Variants in CSMD1 observed in about 807,000 individuals in gnomAD.
CSMD1 encodes CUB and Sushi multiple domains 1.
In CSMD1, 213 loss-of-function variants were observed where a neutral mutation model predicts 417.5. The ratio of observed to expected loss-of-function variants is 0.51; its 90% CI spans 0.46 to 0.57. The LOEUF (loss-of-function observed/expected upper bound fraction) is 0.57, where lower values mean the gene tolerates loss of function less well. Among genes scored for constraint, CSMD1 ranks in the 20% least tolerant of loss-of-function variants. CSMD1 has a pLI of 0.00. For synonymous variants in CSMD1, 2,862 were observed against 1,736.8 expected (o/e 1.65, Z -16.11); for missense variants, 6,923 against 4,529.7 (o/e 1.53, Z -15.17).
At chr8:4,167,078 A>AT (rs968581024) in intron 3 of CSMD1, among the ~76,000 whole-genome samples, 8 of 152,142 alleles carry the variant, frequency 5.3e-5, no homozygotes, top group African/African-American at 1.9e-4. Flanking sequence ...AAAACTTAGA[A>AT]TATCTGTAGA....
chr8:4,459,333 C>G (rs1448027893), intron 2 of CSMD1, among the ~76,000 whole-genome samples: 2 of 152,136 alleles, frequency 1.3e-5, no homozygotes, highest in African/African-American at 2.4e-5. Flanking sequence ...AGGAGCAAAC[C>G]AAGACAATCA....
chr8:3,391,975 A>G (rs1811375099), intron 17 of CSMD1, among the ~76,000 whole-genome samples: 2 of 152,094 alleles, frequency 1.3e-5, no homozygotes, highest in Non-Finnish European at 1.5e-5. Flanking sequence ...ATGAAGCTGG[A>G]AACCATCATT....
chr8:4,745,190 A>G (rs1298369150), intron 1 of CSMD1, among the ~76,000 whole-genome samples: 1 of 152,180 alleles, frequency 6.6e-6, no homozygotes, highest in Non-Finnish European at 1.5e-5. Flanking sequence ...ATGAAACCTT[A>G]ATTTTGTATA....
chr8:4,758,315 G>A (rs962245787), intron 1 of CSMD1, among the ~76,000 whole-genome samples: 16 of 152,072 alleles, frequency 1.1e-4, no homozygotes, highest in Admixed American at 2.6e-4. Flanking sequence ...TGCTTAATTC[G>A]CTGGTTCTGA....
In CSMD1 at chr8:3,052,586, A is replaced by T. The variant is rs752253783; in HGVS notation, c.7536T>A (p.Thr2512=). Reference sequence around the variant, plus strand: ...ATTCATAGACCACTTTACTGTCCAAAGTGAACTCGTTCCCGGTAAATGAAC... The same window carrying T: ...ATTCATAGACCACTTTACTGTCCAATGTGAACTCGTTCCCGGTAAATGAAC... ...GNGSFTGNEF[T]LDSKVVYECH... is the part of the protein sequence containing the mutation. Residue 2512 remains threonine (T), a synonymous_variant, in exon 50 of 70, where the codon ACT becomes ACA. Transcript: ENST00000635120. 1.2e-6 allele frequency: 2 copies of T among 1,612,038 alleles called. No homozygotes were observed. Among genetic ancestry groups the T allele is most frequent in the East Asian group, 4.5e-5 (2 of 44,830 alleles).
intron 1 of CSMD1, among the ~76,000 whole-genome samples, chr8:4,719,806 C>G (rs989370012): frequency 6.6e-6 from 1 of 152,098 alleles, no homozygotes; most frequent in Non-Finnish European, 1.5e-5. Flanking sequence ...TGAACTATTG[C>G]TGCCTTTTAC....
rs1479161494 is a variant in CSMD1 at position 4,362,488 on chromosome 8, A to G, written c.415+57465T>C. On this transcript the variant is annotated intron_variant, in intron 3 of 69. Transcript: ENST00000635120. ...ATAAGATTACGGCTTTCTTCAGAGA[A>G]CTCTTCCTCATTTGTCTGCTTAATT... Among the ~76,000 whole-genome samples the G allele has an allele frequency of 2.0e-5, 3 of 152,188 alleles. No homozygotes were observed. The South Asian group carries it at 6.2e-4, about 32-fold the overall frequency.
intron 42 of CSMD1, 121 bp downstream of exon 42, chr8:3,118,278 A>T: frequency 1.4e-6 from 1 of 732,828 alleles, no homozygotes; most frequent in Non-Finnish European, 2.2e-6. Flanking sequence ...AAAACATAAT[A>T]GATTCTCAAC....
At chr8:3,897,958 C>A (rs1807476139) in intron 5 of CSMD1, among the ~76,000 whole-genome samples, 1 of 152,140 alleles carries the variant, frequency 6.6e-6, no homozygotes, top group African/African-American at 2.4e-5. Context: ...CAAATGAAGA[C>A]ACAAAATCAA....
At position 4,044,852 on chromosome 8, in the gene CSMD1, G is replaced by A. The variant is rs552041206; in HGVS notation, c.416-12753C>T. On this transcript the variant is annotated intron_variant, in intron 3 of 69. Coordinates refer to ENST00000635120, the MANE Select transcript of CSMD1 (RefSeq NM_033225.6). ...TAGCACCCCAGGCTTGTACCATGCT[G>A]GGGACTGCACCATCCTGAACTTTGC... Among the ~76,000 whole-genome samples, 4 of 126,744 alleles carry A rather than the reference G, an allele frequency of 3.2e-5. No individual in the cohort carries two copies. In the East Asian group the frequency reaches 9.4e-4, roughly 30 times the overall value. 83.1% of individuals were successfully genotyped at this position (126,744 alleles called of 152,430 possible).
At chr8:3,487,392 A>T in intron 11 of CSMD1, among the ~76,000 whole-genome samples, 1 of 152,040 alleles carries the variant, frequency 6.6e-6, no homozygotes, top group East Asian at 1.9e-4. Flanking sequence ...TAGTAGAGAC[A>T]GGGTTTCACC....
intron 7 of CSMD1, among the ~76,000 whole-genome samples, chr8:3,698,437 G>C (rs1800674682): frequency 1.3e-5 from 2 of 152,132 alleles, no homozygotes; most frequent in East Asian, 1.9e-4. Context: ...ACTACTGTTA[G>C]AGGTTAATGG....
Position 3,000,058 on chromosome 8 carries a change from C to G in CSMD1, c.8103G>C (p.Thr2701=). The change falls in exon 53 of 70, where the codon ACG becomes ACC. Residue 2701 remains threonine (T), a synonymous_variant. Coordinates refer to ENST00000635120, the MANE Select transcript of CSMD1 (RefSeq NM_033225.6). ...AACCAGGATTGCACTGGTAAACCAC[C>G]GTGTCTCTGTAACTGAAGCCATCTC... The part of the protein sequence containing the change: ...ISGDGFSYRD[T]VVYQCNPGFR... 1 of 1,603,572 alleles carries G rather than the reference C, an allele frequency of 6.2e-7. No individual in the cohort carries two copies. The highest frequency in any genetic ancestry group is 8.5e-7 in the Non-Finnish European group (1 of 1,177,674).
chr8:4,616,177 C>G (rs1423326947), intron 2 of CSMD1, among the ~76,000 whole-genome samples: 2 of 152,140 alleles, frequency 1.3e-5, no homozygotes, highest in Non-Finnish European at 2.9e-5. Flanking sequence ...GCTAAAACTT[C>G]AAAAATACCT....
chr8:3,156,611 A>G (rs1464406863), intron 39 of CSMD1, among the ~76,000 whole-genome samples: 1 of 152,232 alleles, frequency 6.6e-6, no homozygotes, highest in Non-Finnish European at 1.5e-5. Context: ...CTCCAGTGCA[A>G]AATTCAAGAG....
chr8:3,577,740 C>G (rs1800211841), intron 9 of CSMD1, among the ~76,000 whole-genome samples: 1 of 152,190 alleles, frequency 6.6e-6, no homozygotes, highest in Non-Finnish European at 1.5e-5. Context: ...CAATGTTTGC[C>G]TTTCTAAATC....
chr8:3,684,915 C>T (rs1487742187), intron 7 of CSMD1, among the ~76,000 whole-genome samples: 2 of 152,198 alleles, frequency 1.3e-5, no homozygotes, highest in African/African-American at 4.8e-5. Flanking sequence ...TGTAATGATG[C>T]CGGGAAGCAC....
chr8:4,346,780 G>T (rs555713908), intron 3 of CSMD1, among the ~76,000 whole-genome samples: 1 of 152,142 alleles, frequency 6.6e-6, no homozygotes, highest in Non-Finnish European at 1.5e-5. Flanking sequence ...AAGGAGACAA[G>T]TCAGTGGTAA....
At position 3,478,702 on chromosome 8, in the gene CSMD1, C is replaced by A. The variant is rs112848298; in HGVS notation, c.1449-9878G>T. On this transcript the variant is annotated intron_variant, in intron 11 of 69. Transcript: ENST00000635120. ...AACTGTGACCCGTCTGACTACCAGA[C>A]TACGCAGCACCACAGCAAATAAAAT... is the stretch of plus-strand genomic sequence containing the variant. 2.7e-3 allele frequency among the ~76,000 whole-genome samples: 414 copies of A among 152,270 alleles called. 2 individuals are homozygous for A. Among genetic ancestry groups the A allele is most frequent in the Non-Finnish European group, 5.1e-3 (345 of 68,020 alleles).
Sources: gnomAD v4.1 joint callset for allele counts (sites outside exome capture counted in the v4.1 genomes callset) on GRCh38, gnomAD v4.1.1 for gene constraint, MANE v1.5 for transcripts, NCBI Gene and HGNC (gene_info 2026-07-23, HGNC 2026-07-21) for gene names.